Variants in ZPBP observed in about 807,000 individuals in gnomAD.
The protein encoded by ZPBP is zona pellucida-binding protein 1.
ZPBP carries 26 observed loss-of-function variants against 44.8 expected under a neutral mutation model. The observed-to-expected ratio is 0.58, with a 90% CI of 0.43 to 0.81. The LOEUF (loss-of-function observed/expected upper bound fraction) is 0.81. Ranked by LOEUF, ZPBP falls within the 30% of genes least tolerant of loss-of-function variation. The pLI is 0.00. For synonymous variants in ZPBP, 174 were observed against 153.2 expected, an observed-to-expected ratio of 1.14 and a Z score of -1.00; for missense variants, 409 against 434.0, an observed-to-expected ratio of 0.94 and a Z score of 0.51.
At chr7:49,920,091 A>G (rs1442082849) in intron 1 of ZPBP, 1 of 152,154 alleles carries the variant, frequency 6.6e-6, no homozygotes, top group Non-Finnish European at 1.5e-5. Flanking sequence ...AAATCATGTT[A>G]TTATAATAAC....
chr7:49,890,806 C>T (rs1792096681), intron 2 of ZPBP, among the ~76,000 whole-genome samples: 1 of 151,934 alleles, frequency 6.6e-6, no homozygotes. Flanking sequence ...GAAAGGAAGG[C>T]TCACTGAGAT....
chr7:50,016,666 G>A (rs1382035791), intron 6 of ZPBP, among the ~76,000 whole-genome samples: 1 of 152,108 alleles, frequency 6.6e-6, no homozygotes, highest in African/African-American at 2.4e-5. Context: ...TAATCCCTAT[G>A]CTTTAACACA....
At chr7:49,903,875 A>T (rs1583800212) in intron 1 of ZPBP, among the ~76,000 whole-genome samples, 1 of 152,278 alleles carries the variant, frequency 6.6e-6, no homozygotes, top group East Asian at 1.9e-4. Context: ...CCAAGAGGAA[A>T]GACTGGCTGG....
chr7:50,063,599 A>T (rs1801356540), intron 3 of ZPBP, among the ~76,000 whole-genome samples: 2 of 148,744 alleles, frequency 1.3e-5, no homozygotes, highest in Non-Finnish European at 3.0e-5. Flanking sequence ...CTTGAGAACC[A>T]TTTTTTTTTT....
Position 50,016,391 on chromosome 7 carries a change from G to C in ZPBP, c.783+1849C>G, listed in dbSNP as rs566284566. The stretch of plus-strand genomic sequence containing the variant: ...CACATGGACACAGAGAGGAACAACA[G>C]ACACCAGAGCTTACTTGAGGGTGGA... On this transcript the variant is annotated intron_variant, in intron 6 of 7. Transcript: ENST00000046087. Among the ~76,000 whole-genome samples the C allele has an allele frequency of 2.6e-5, 4 of 152,108 alleles. No homozygotes were observed. In the South Asian group the frequency reaches 8.3e-4, roughly 32 times the overall value.
intron 7 of ZPBP, among the ~76,000 whole-genome samples, chr7:49,950,626 T>A (rs1795301349): frequency 1.3e-5 from 2 of 151,836 alleles, no homozygotes; most frequent in East Asian, 1.9e-4. Context: ...TGTACACATA[T>A]AAATACACAA....
intron 2 of ZPBP, among the ~76,000 whole-genome samples, chr7:49,862,061 CT>C: frequency 6.6e-6 from 1 of 152,246 alleles, no homozygotes; most frequent in Non-Finnish European, 1.5e-5. Context: ...CTGTAGATTT[CT>C]TTGGGAAGTA....
chr7:49,999,256 TTA>T (rs759746784), intron 6 of ZPBP, among the ~76,000 whole-genome samples: 24 of 116,744 alleles, frequency 2.1e-4, no homozygotes, highest in Non-Finnish European at 3.4e-4. Context: ...ATATATATTT[TTA>T]TATATGTGTG....
chr7:49,876,000 G>A (rs1485553300), intron 2 of ZPBP, among the ~76,000 whole-genome samples: 1 of 152,146 alleles, frequency 6.6e-6, no homozygotes, highest in Non-Finnish European at 1.5e-5. Context: ...ATTCTGTACT[G>A]TGAATATGGA....
chr7:49,887,692 C>T (rs1445737969), intron 2 of ZPBP, among the ~76,000 whole-genome samples: 1 of 148,552 alleles, frequency 6.7e-6, no homozygotes, highest in Admixed American at 6.6e-5. Context: ...CAGAGAGGTT[C>T]ATCCCGGGGC....
chr7:49,934,446 T>TA (rs11320275), downstream of ZPBP, among the ~76,000 whole-genome samples: 118 of 148,050 alleles, frequency 8.0e-4, no homozygotes, highest in South Asian at 0.013. Context: ...ACAGAGGGTA[T>TA]AAAAAAAAAA....
At chr7:49,871,190 A>AT (rs1294775346) in intron 2 of ZPBP, among the ~76,000 whole-genome samples, 1 of 152,190 alleles carries the variant, frequency 6.6e-6, no homozygotes, top group Non-Finnish European at 1.5e-5. Flanking sequence ...ATAAAAACGA[A>AT]TAATAATATC....
At chr7:50,005,606 A>G (rs1798271199) in intron 6 of ZPBP, among the ~76,000 whole-genome samples, 1 of 151,970 alleles carries the variant, frequency 6.6e-6, no homozygotes, top group Admixed American at 6.6e-5. Context: ...CCAGGCAATC[A>G]CAAATACTAT....
intron 2 of ZPBP, among the ~76,000 whole-genome samples, chr7:49,869,026 A>G (rs1274010844): frequency 6.6e-6 from 1 of 152,222 alleles, no homozygotes; most frequent in Non-Finnish European, 1.5e-5. Context: ...AATTAAGAAA[A>G]TATTAGTTGT....
chr7:50,004,000 G>T (rs1219414918), intron 6 of ZPBP, among the ~76,000 whole-genome samples: 1 of 151,982 alleles, frequency 6.6e-6, no homozygotes, highest in Non-Finnish European at 1.5e-5. Context: ...AACAAAATTA[G>T]AATAATAATA....
chr7:49,983,554 C>T (rs1161442705), intron 6 of ZPBP, 35 bp from the exon 7 acceptor site: 1 of 1,367,048 alleles, frequency 7.3e-7, no homozygotes, highest in Admixed American at 2.1e-5. Context: ...AACTGTTAGC[C>T]ATAAAAAATG....
intron 7 of ZPBP, among the ~76,000 whole-genome samples, chr7:49,952,098 C>CGG (rs909414247): frequency 7.9e-5 from 12 of 151,674 alleles, no homozygotes; most frequent in African/African-American, 2.9e-4. Flanking sequence ...TTAATAAGTA[C>CGG]GGGGTTTCCT....
At chr7:50,073,808 A>T (rs1181939769) in intron 3 of ZPBP, among the ~76,000 whole-genome samples, 1 of 152,172 alleles carries the variant, frequency 6.6e-6, no homozygotes, top group Non-Finnish European at 1.5e-5. Flanking sequence ...TCTGGCAAAA[A>T]TATCCTTCAA....
chr7:50,042,962 T>C (rs1249604407), intron 4 of ZPBP, among the ~76,000 whole-genome samples: 1 of 152,140 alleles, frequency 6.6e-6, no homozygotes, highest in East Asian at 1.9e-4. Context: ...ACAAAATCTC[T>C]GCAGCACTTG....
Sources: gnomAD v4.1 joint callset for allele counts (sites outside exome capture counted in the v4.1 genomes callset) on GRCh38, gnomAD v4.1.1 for gene constraint, MANE v1.5 for transcripts, NCBI Gene and HGNC (gene_info 2026-07-23, HGNC 2026-07-21) for gene names.